Variants in KALRN observed in about 807,000 individuals in gnomAD.
The protein encoded by KALRN is kalirin RhoGEF kinase.
A neutral mutation model predicts 353.7 loss-of-function variants in KALRN; 70 were observed. The ratio of observed to expected loss-of-function variants is 0.20; its 90% CI spans 0.16 to 0.24. KALRN has a LOEUF of 0.24. Among genes scored for constraint, KALRN ranks in the 10% least tolerant of loss-of-function variants. KALRN has a pLI of 1.00. For missense variants in KALRN, 2,791 were observed against 3,756.7 expected (o/e 0.74, Z 6.72); for synonymous variants, 1,391 against 1,434.8 (o/e 0.97, Z 0.69).
chr3:124,295,801 A>C (rs758537614), intron 5 of KALRN, among the ~76,000 whole-genome samples: 15 of 152,252 alleles, frequency 9.9e-5, no homozygotes, highest in Non-Finnish European at 1.8e-4. Flanking sequence ...AGAATTCTAA[A>C]GATAAAAATT....
Position 124,639,526 on chromosome 3 carries a change from C to T in KALRN, c.5664+2223C>T, listed in dbSNP as rs1578556872. 5.3e-5 allele frequency among the ~76,000 whole-genome samples: 8 copies of T among 152,242 alleles called. No homozygotes were observed. In the South Asian group the frequency reaches 1.5e-3, roughly 28 times the overall value. On this transcript the variant is annotated intron_variant, in intron 37 of 59. Coordinates refer to ENST00000682506, the MANE Select transcript of KALRN (RefSeq NM_001388419.1). ...GAGTCTATTTTTATATTTTGGATTA[C>T]CTTTTTGCCCACTACTACTGCTAAG...
chr3:124,108,963 C>T (rs1028228364), intron 1 of KALRN, among the ~76,000 whole-genome samples: 5 of 152,092 alleles, frequency 3.3e-5, no homozygotes, highest in Non-Finnish European at 7.4e-5. Context: ...TAATTCAACC[C>T]AAACTCAAAA....
intron 10 of KALRN, among the ~76,000 whole-genome samples, chr3:124,358,450 G>A (rs55738712): frequency 1.9e-3 from 292 of 152,194 alleles, no homozygotes; most frequent in Middle Eastern, 3.4e-3. Flanking sequence ...AAAGAGATCC[G>A]AAAGGCAACA....
intron 6 of KALRN, among the ~76,000 whole-genome samples, chr3:124,311,121 C>G (rs963802585): frequency 3.5e-5 from 4 of 113,388 alleles, no homozygotes; most frequent in Non-Finnish European, 5.0e-5. Flanking sequence ...GTCACCCAGG[C>G]TGGATACTAC....
chr3:124,435,848 G>A (rs1360484963), intron 17 of KALRN, among the ~76,000 whole-genome samples: 1 of 152,098 alleles, frequency 6.6e-6, no homozygotes, highest in African/African-American at 2.4e-5. Flanking sequence ...TTGATTCTAA[G>A]ATCTATATGG....
chr3:124,587,904 G>A (rs552785424), intron 34 of KALRN, among the ~76,000 whole-genome samples: 182 of 150,238 alleles, frequency 1.2e-3, no homozygotes, highest in African/African-American at 4.2e-3. Context: ...TATGTTGCCA[G>A]GCTGGTCTCA....
chr3:124,274,124 A>G (rs1259881335), intron 5 of KALRN, among the ~76,000 whole-genome samples: 3 of 152,226 alleles, frequency 2.0e-5, no homozygotes, highest in Non-Finnish European at 4.4e-5. Context: ...ACTCAGTGGA[A>G]GATCCTCCCC....
chr3:124,222,645 G>A (rs777420377), intron 1 of KALRN, among the ~76,000 whole-genome samples: 3 of 152,074 alleles, frequency 2.0e-5, no homozygotes, highest in African/African-American at 4.8e-5. Context: ...TCAGTCACCC[G>A]GGCTGGAGTG....
intron 57 of KALRN, among the ~76,000 whole-genome samples, chr3:124,711,402 G>A (rs2150774626): frequency 6.6e-6 from 1 of 152,282 alleles, no homozygotes; most frequent in South Asian, 2.1e-4. Context: ...ACAGAGCCAG[G>A]TCAAGGAGGC....
At chr3:124,686,654 C>T (rs1441474405) in intron 51 of KALRN, among the ~76,000 whole-genome samples, 2 of 152,028 alleles carry the variant, frequency 1.3e-5, no homozygotes, top group Non-Finnish European at 2.9e-5. Flanking sequence ...TGAGACCAGA[C>T]AGACAACAAA....
At chr3:124,298,166 A>G (rs1201862718) in intron 5 of KALRN, among the ~76,000 whole-genome samples, 2 of 152,172 alleles carry the variant, frequency 1.3e-5, no homozygotes, top group Non-Finnish European at 2.9e-5. Context: ...AAACCAGGGT[A>G]TGGAGCTAGG....
intron 34 of KALRN, among the ~76,000 whole-genome samples, chr3:124,576,635 C>G (rs147150558): frequency 6.6e-6 from 1 of 152,254 alleles, no homozygotes. Context: ...TACATCCTTT[C>G]TATTATTGGA....
Position 124,712,557 on chromosome 3 carries a change from G to A in KALRN, c.8076-378G>A, listed in dbSNP as rs182233701. ...ACCTGTAATCCCAGCGCTTTGGGAG[G>A]CCGAAGCAAGAGGCTTGAGCCTGGA... On this transcript the variant is annotated intron_variant, in intron 57 of 59. Transcript: ENST00000682506. 3.3e-5 allele frequency among the ~76,000 whole-genome samples: 5 copies of A among 151,312 alleles called. No homozygotes were observed. The East Asian group carries it at 9.7e-4, about 29-fold the overall frequency.
At chr3:124,225,735 A>T (rs956510398) in intron 1 of KALRN, among the ~76,000 whole-genome samples, 7 of 152,184 alleles carry the variant, frequency 4.6e-5, no homozygotes, top group Non-Finnish European at 1.0e-4. Context: ...TGCTTCCATT[A>T]TAGCAAATTT....
At chr3:124,455,430 A>G (rs766197239) in intron 22 of KALRN, 71 bp downstream of exon 22, 11 of 1,429,988 alleles carry the variant, frequency 7.7e-6, no homozygotes, top group Non-Finnish European at 9.6e-6. Context: ...CCTCATCGCC[A>G]TGGAAGAAAA....
At chr3:124,474,552 A>G in intron 25 of KALRN, 111 bp from the exon 26 acceptor site, 1 of 806,294 alleles carries the variant, frequency 1.2e-6, no homozygotes, top group Admixed American at 2.0e-5. Context: ...TAGACAGTAG[A>G]GAAGCCATGT....
At chr3:124,352,248 C>A (rs1292411535) in intron 10 of KALRN, among the ~76,000 whole-genome samples, 1 of 152,136 alleles carries the variant, frequency 6.6e-6, no homozygotes. Context: ...GGATGGCTGT[C>A]AGGGGATAGA....
intron 55 of KALRN, among the ~76,000 whole-genome samples, chr3:124,699,594 A>G (rs1339177987): frequency 6.6e-6 from 1 of 152,078 alleles, no homozygotes; most frequent in African/African-American, 2.4e-5. Flanking sequence ...TAAATTCTGT[A>G]TTATCTATGT....
At chr3:124,140,783 C>T (rs949750902) in intron 1 of KALRN, among the ~76,000 whole-genome samples, 2 of 151,850 alleles carry the variant, frequency 1.3e-5, no homozygotes, top group Admixed American at 1.3e-4. Flanking sequence ...AAAGCAGCAG[C>T]CTTGCCCTCC....
Sources: allele counts gnomAD v4.1 joint callset (sites outside exome capture counted in the v4.1 genomes callset), GRCh38; gene constraint gnomAD v4.1.1; transcripts MANE v1.5; gene names NCBI Gene and HGNC (gene_info 2026-07-23, HGNC 2026-07-21).